Variants in CAMSAP1 observed in about 807,000 individuals in gnomAD.
The protein encoded by CAMSAP1 is calmodulin-regulated spectrin-associated protein 1.
CAMSAP1 carries 58 observed loss-of-function variants against 143.5 expected under a neutral mutation model. The ratio of observed to expected loss-of-function variants is 0.40; its 90% CI spans 0.33 to 0.50. CAMSAP1 has a LOEUF of 0.50. Ranked by LOEUF, CAMSAP1 falls within the 20% of genes least tolerant of loss-of-function variation. The probability of loss-of-function intolerance (pLI) is 0.45; values close to 1 mark genes in which losing one functional copy is unlikely to be tolerated. For synonymous variants in CAMSAP1, 945 were observed against 859.3 expected (o/e 1.10, Z -1.74); for missense variants, 1,969 against 2,115.7 (o/e 0.93, Z 1.36).
intron 4 of CAMSAP1, among the ~76,000 whole-genome samples, chr9:135,865,984 G>T (rs1837365695): frequency 2.0e-5 from 3 of 152,214 alleles, no homozygotes; most frequent in Admixed American, 6.5e-5. Flanking sequence ...ATGGCTGGAA[G>T]GTGCAGCCCA....
At chr9:135,829,019 T>C (rs1273049558) in intron 7 of CAMSAP1, among the ~76,000 whole-genome samples, 1 of 152,198 alleles carries the variant, frequency 6.6e-6, no homozygotes, top group Non-Finnish European at 1.5e-5. Context: ...TTGAGGGAGT[T>C]CATCACCACT....
In CAMSAP1 at chr9:135,818,939, A is replaced by T; in HGVS notation, c.3959+71T>A. ...CCATGGTCCATGCTCAGTGCCAGCA[A>T]CGGGACCGGGGCCGCCAGGGACCCA... On this transcript the variant is annotated intron_variant, in intron 12 of 16. Coordinates refer to ENST00000389532, the MANE Select transcript of CAMSAP1 (RefSeq NM_015447.4). The surrounding 1 kb of genome is among the most constrained non-coding windows in gnomAD (Gnocchi z 7.7). 2 of 1,562,490 alleles carry T rather than the reference A, an allele frequency of 1.3e-6. No individual in the cohort carries two copies. Among genetic ancestry groups the T allele is most frequent in the Admixed American group, 3.7e-5 (2 of 54,780 alleles).
At chr9:135,833,578 A>C (rs945873269) in intron 7 of CAMSAP1, among the ~76,000 whole-genome samples, 5 of 152,364 alleles carry the variant, frequency 3.3e-5, no homozygotes, top group Non-Finnish European at 5.9e-5. Flanking sequence ...AGTACCTTCA[A>C]TAAATGTTGT....
intron 7 of CAMSAP1, among the ~76,000 whole-genome samples, chr9:135,839,230 A>C (rs536857673): frequency 6.6e-6 from 1 of 152,316 alleles, no homozygotes; most frequent in East Asian, 1.9e-4. Flanking sequence ...AGAGTGTATG[A>C]GTCCCTATTT....
intron 15 of CAMSAP1, among the ~76,000 whole-genome samples, chr9:135,815,482 G>A (rs1835198998): frequency 6.6e-6 from 1 of 152,182 alleles, no homozygotes; most frequent in African/African-American, 2.4e-5. Flanking sequence ...GACAAAACCA[G>A]GTAAATAACT....
chr9:135,899,549 C>T (rs1365443363), intron 1 of CAMSAP1, among the ~76,000 whole-genome samples: 7 of 152,148 alleles, frequency 4.6e-5, no homozygotes, highest in African/African-American at 7.2e-5. Context: ...CCTCAGAAAC[C>T]TTCAGTGGTT....
intron 3 of CAMSAP1, among the ~76,000 whole-genome samples, chr9:135,869,065 A>G (rs1269516758): frequency 3.3e-5 from 5 of 152,244 alleles, no homozygotes; most frequent in African/African-American, 1.2e-4. Context: ...GTCCAGGAAG[A>G]ATGCAAGAAC....
At chr9:135,906,590 G>A (rs1838784086) in intron 1 of CAMSAP1, among the ~76,000 whole-genome samples, 2 of 152,358 alleles carry the variant, frequency 1.3e-5, no homozygotes. Flanking sequence ...CAAGTGCAAG[G>A]CTCGGAATCA....
intron 7 of CAMSAP1, among the ~76,000 whole-genome samples, chr9:135,849,207 AGCCGG>A (rs1161447615): frequency 3.3e-5 from 5 of 152,226 alleles, no homozygotes; most frequent in Admixed American, 2.0e-4. Context: ...ACTAGCCTAC[AGCCGG>A]GCGAAATCTA....
rs987336406 is a variant in CAMSAP1 at position 135,820,945 on chromosome 9, G to C, written c.3716C>G (p.Ser1239Cys). The C allele has an allele frequency of 1.2e-6, 2 of 1,613,570 alleles. No individual in the cohort carries two copies. The highest frequency in any genetic ancestry group is 1.7e-5 in the Admixed American group (1 of 59,990). Reference sequence around the variant, plus strand: ...ATCCTCGTCGGGGGCCTTCAGGTCGGAGAGGTCCACTTCAATGAGGCTGGC... The same window carrying C: ...ATCCTCGTCGGGGGCCTTCAGGTCGCAGAGGTCCACTTCAATGAGGCTGGC... ...SRASLIEVDLSDLKAPDEDGE... is the reference protein window; with the variant it reads ...SRASLIEVDLCDLKAPDEDGE... Residue 1239 changes from serine to cysteine, a missense_variant, in exon 11 of 17, where the codon TCC becomes TGC. By Grantham distance (112) the Ser-to-Cys change is moderately radical (BLOSUM62 -1). This residue lies in a region of CAMSAP1 where 1,390 missense variants were observed against 1,420.8 expected (regional missense o/e 0.98). Transcript: ENST00000389532. This position sits in a 1 kb window ranked among gnomAD's most constrained non-coding sequence, Gnocchi z 4.4.
At chr9:135,835,890 GA>G (rs1836014766) in intron 7 of CAMSAP1, among the ~76,000 whole-genome samples, 2 of 152,214 alleles carry the variant, frequency 1.3e-5, no homozygotes, top group African/African-American at 4.8e-5. Flanking sequence ...TGAGGCAGGA[GA>G]ATCACTTGAA....
At chr9:135,856,189 C>A (rs1277482134) in intron 5 of CAMSAP1, among the ~76,000 whole-genome samples, 1 of 152,162 alleles carries the variant, frequency 6.6e-6, no homozygotes, top group Non-Finnish European at 1.5e-5. Flanking sequence ...GGGCAATTTA[C>A]AAAAGAAAGC....
In CAMSAP1 at chr9:135,822,884, C is replaced by T; in HGVS notation, c.1777G>A (p.Glu593Lys). 6.2e-7 allele frequency: 1 copy of T among 1,613,884 alleles called. No individual in the cohort carries two copies. Among genetic ancestry groups the T allele is most frequent in the South Asian group, 1.1e-5 (1 of 91,076 alleles). Residue 593 changes from glutamate to lysine, a missense_variant, in exon 11 of 17, where the codon GAG becomes AAG. Physicochemically the swap from Glu to Lys is moderately conservative, Grantham distance 56. Transcript: ENST00000389532. The surrounding 1 kb of genome is among the most constrained non-coding windows in gnomAD (Gnocchi z 6.1). Reference sequence around the variant, plus strand: ...TTAAGAACTGCTGGCATCAAAGGCTCCAAGAAAAAACTGTCAGGCTTACTT... The same window carrying T: ...TTAAGAACTGCTGGCATCAAAGGCTTCAAGAAAAAACTGTCAGGCTTACTT... ...SESKPDSFFL[E>K]PLMPAVLKPA...
intron 3 of CAMSAP1, among the ~76,000 whole-genome samples, chr9:135,877,663 T>C (rs2130972361): frequency 6.6e-6 from 1 of 152,096 alleles, no homozygotes; most frequent in South Asian, 2.1e-4. Context: ...TTTTTTTTAA[T>C]CAGCCAGGCA....
intron 14 of CAMSAP1, among the ~76,000 whole-genome samples, chr9:135,817,540 T>C (rs1312019273): frequency 6.6e-6 from 1 of 151,872 alleles, no homozygotes; most frequent in East Asian, 1.9e-4. Context: ...TATAGGTGCA[T>C]GCCCCCACAC....
At chr9:135,859,929 G>C (rs891949605) in intron 5 of CAMSAP1, among the ~76,000 whole-genome samples, 1 of 151,684 alleles carries the variant, frequency 6.6e-6, no homozygotes, top group African/African-American at 2.4e-5. Flanking sequence ...CCAGGGCCAG[G>C]TGCGGTGGCT....
Position 135,823,270 on chromosome 9 carries a change from A to G in CAMSAP1, c.1401-10T>C. On this transcript the variant is annotated splice_polypyrimidine_tract_variant and intron_variant, in intron 10 of 16. Coordinates refer to ENST00000389532, the MANE Select transcript of CAMSAP1 (RefSeq NM_015447.4). ...TGGCTGGGACGCAGGCCTGAAACACAGGGAAGGCCCACTGGGTGCGCTGCG... is the reference window on the plus strand; with the variant it reads ...TGGCTGGGACGCAGGCCTGAAACACGGGGAAGGCCCACTGGGTGCGCTGCG... The G allele has an allele frequency of 6.5e-7, 1 of 1,537,998 alleles. No homozygotes were observed. Among genetic ancestry groups the G allele is most frequent in the Non-Finnish European group, 8.7e-7 (1 of 1,143,034 alleles).
chr9:135,850,264 G>A (rs370239083), intron 6 of CAMSAP1, 31 bp from the exon 7 acceptor site: 1 of 1,612,756 alleles, frequency 6.2e-7, no homozygotes, highest in Non-Finnish European at 8.5e-7. Context: ...ACCAAAGTAT[G>A]ATAAGCAGTT....
At chr9:135,895,094 G>A (rs781425689) in intron 1 of CAMSAP1, among the ~76,000 whole-genome samples, 4 of 152,158 alleles carry the variant, frequency 2.6e-5, no homozygotes, top group Non-Finnish European at 4.4e-5. Flanking sequence ...AAGAAGAACA[G>A]AGCCTCCAAG....
Sources: allele counts gnomAD v4.1 joint callset (sites outside exome capture counted in the v4.1 genomes callset), GRCh38; gene constraint gnomAD v4.1.1; regional missense constraint gnomAD v4.1.1; non-coding constraint Gnocchi (gnomAD v3.1); transcripts MANE v1.5; gene names NCBI Gene and HGNC (gene_info 2026-07-23, HGNC 2026-07-21).